Variants in BCLAF3 observed in about 807,000 individuals in gnomAD.
BCLAF3 encodes the protein BCLAF1 and THRAP3 family member 3, also known as transient octamer binding factor 1.
Under a neutral mutation model 51.2 loss-of-function variants are expected in BCLAF3, and 24 were observed. The observed-to-expected ratio is 0.47, with a 90% confidence interval of 0.34 to 0.66. The LOEUF is 0.66. Ranked by LOEUF, BCLAF3 falls within the 30% of genes least tolerant of loss-of-function variation. BCLAF3 has a pLI of 0.01. For synonymous variants in BCLAF3, 152 were observed against 176.6 expected (o/e 0.86, Z 1.10); for missense variants, 465 against 525.1 (o/e 0.89, Z 1.12).
intron 8 of BCLAF3, 151 bp downstream of exon 8, chrX:19,950,602 A>G (rs1399010545): frequency 2.5e-6 from 1 of 402,651 alleles, no homozygotes; most frequent in African/African-American, 2.5e-5. Context: ...TAACCTGGAA[A>G]CATTTTAATA....
intron 5 of BCLAF3, among the ~76,000 whole-genome samples, chrX:19,954,509 T>C (rs1045286698): frequency 4.5e-5 from 5 of 111,947 alleles, no homozygotes; most frequent in African/African-American, 1.6e-4. Context: ...TGGGACAATC[T>C]CCTGGATTTT....
In BCLAF3 at chrX:19,927,411, T is replaced by G. The variant is rs184566901; in HGVS notation, c.2106+2374A>C. Among the ~76,000 whole-genome samples, 420 of 111,786 alleles carry G rather than the reference T, an allele frequency of 3.8e-3. 2 individuals are homozygous for G. The highest frequency in any genetic ancestry group is 0.013 in the African/African-American group (390 of 30,817). On this transcript the variant is annotated intron_variant, in intron 11 of 11. Transcript: ENST00000379682. The stretch of plus-strand genomic sequence containing the variant: ...AACTTCATTCTACTCATCCGTCTTT[T>G]GAAAAGTGTTAAGATTTACTAAAAT...
chrX:19,918,928 C>A (rs1231664197), intron 11 of BCLAF3, among the ~76,000 whole-genome samples: 1 of 110,668 alleles, frequency 9.0e-6, no homozygotes, highest in Non-Finnish European at 1.9e-5. Context: ...GGTCACCACA[C>A]GTTCCCTTGT....
chrX:19,960,127 A>AT (rs201237762), intron 4 of BCLAF3, among the ~76,000 whole-genome samples: 14,985 of 110,931 alleles, frequency 0.14, 2,459 homozygotes, highest in African/African-American at 0.46. Flanking sequence ...GGCCAATTTA[A>AT]TTTTTTTTAA....
At chrX:19,930,219 G>C (rs1375055311) in intron 10 of BCLAF3, 6 of 189,215 alleles carry the variant, frequency 3.2e-5, no homozygotes, top group Non-Finnish European at 4.8e-5. Flanking sequence ...GCTAAGGCAG[G>C]AGAATTGCTT....
chrX:19,913,884 G>A lies in BCLAF3; in HGVS notation c.*3421C>T, dbSNP rs2069867362. ...ATGTACATTAATTTTTCTTTGTCAA[G>A]ATTTATAACATTTACATACTATTCT... On this transcript the variant is annotated 3_prime_UTR_variant, in exon 12 of 12. Coordinates refer to ENST00000379682, the MANE Select transcript of BCLAF3 (RefSeq NM_001367774.2). The A allele has an allele frequency of 1.8e-5, 2 of 111,845 alleles. No homozygotes were observed. The highest frequency in any genetic ancestry group is 6.5e-5 in the African/African-American group (2 of 30,742). 9.2% of individuals were successfully genotyped at this position (111,845 alleles called of 1,213,427 possible).
Position 19,929,918 on chromosome X carries a change from C to T in BCLAF3, c.1973G>A (p.Cys658Tyr). The T allele has an allele frequency of 1.7e-6, 2 of 1,206,690 alleles. No individual in the cohort carries two copies. Among genetic ancestry groups the T allele is most frequent in the East Asian group, 3.0e-5 (1 of 33,700 alleles). The change falls in exon 11 of 12, where the codon TGC (cysteine) becomes TAC (tyrosine). Residue 658 changes from cysteine to tyrosine, a missense_variant. By Grantham distance (194) the Cys-to-Tyr change is radical. Coordinates refer to ENST00000379682, the MANE Select transcript of BCLAF3 (RefSeq NM_001367774.2). ...CAGGCCTGATTTATAATTGGGCTGG[C>T]ATCTGCCACCTCTAAAGTTGCTCTG... is the stretch of plus-strand genomic sequence containing the variant. ...PFKSNFRGGR[C>Y]QPNYKSGLVQ...
At chrX:19,967,242 A>G (rs769667059) in intron 2 of BCLAF3, among the ~76,000 whole-genome samples, 1 of 111,956 alleles carries the variant, frequency 8.9e-6, no homozygotes, top group Non-Finnish European at 1.9e-5. Context: ...GGAACAAAAC[A>G]TATGTACTTA....
At chrX:19,982,958 C>CTTTTT (rs749753466) in intron 1 of BCLAF3, among the ~76,000 whole-genome samples, 1 of 72,350 alleles carries the variant, frequency 1.4e-5, no homozygotes, top group Non-Finnish European at 2.4e-5. Context: ...TTTTTTTTTT[C>CTTTTT]TTTTTTTTTT....
chrX:19,922,441 T>TA (rs1379587357), intron 11 of BCLAF3, among the ~76,000 whole-genome samples: 1 of 111,975 alleles, frequency 8.9e-6, no homozygotes, highest in Non-Finnish European at 1.9e-5. Context: ...ATAAACTAAT[T>TA]AAAAAAATGC....
At chrX:19,931,068 C>T (rs1323675546) in intron 10 of BCLAF3, among the ~76,000 whole-genome samples, 3 of 112,147 alleles carry the variant, frequency 2.7e-5, no homozygotes, top group African/African-American at 9.7e-5. Context: ...TCTTTCTTTA[C>T]CACAAAAGAT....
chrX:19,974,738 C>T (rs1197440421), intron 1 of BCLAF3, among the ~76,000 whole-genome samples: 2 of 109,769 alleles, frequency 1.8e-5, no homozygotes, highest in African/African-American at 6.6e-5. Flanking sequence ...AAAAATTAGC[C>T]AGGCATGGTG....
intron 10 of BCLAF3, among the ~76,000 whole-genome samples, chrX:19,932,525 ATTTTTTT>A (rs58949658): frequency 1.3e-5 from 1 of 77,440 alleles, no homozygotes; most frequent in African/African-American, 5.6e-5. Context: ...ACAAGTCAAG[ATTTTTTT>A]TTTTTTTTTT....
intron 1 of BCLAF3, among the ~76,000 whole-genome samples, chrX:19,973,780 G>A (rs1261626640): frequency 1.8e-5 from 2 of 111,940 alleles, no homozygotes; most frequent in Non-Finnish European, 3.8e-5. Flanking sequence ...ATTTCAATAG[G>A]CAAAAGACTC....
In BCLAF3 at chrX:19,915,747, A is replaced by T. The variant is rs2069923374; in HGVS notation, c.*1558T>A. ...TGTCAATCAAATGATTAAATATTCA[A>T]AGCTCATTACTGTCCCCTAGAATAT... On this transcript the variant is annotated 3_prime_UTR_variant, in exon 12 of 12. Coordinates refer to ENST00000379682, the MANE Select transcript of BCLAF3 (RefSeq NM_001367774.2). 1 of 112,104 alleles carries T rather than the reference A, an allele frequency of 8.9e-6. No homozygotes were observed. 9.2% of individuals were successfully genotyped at this position (112,104 alleles called of 1,213,427 possible). A position where few individuals can be genotyped will look rare whatever the true frequency, so the allele number is the denominator to read the frequency against.
At chrX:19,924,177 A>T (rs1194045265) in intron 11 of BCLAF3, among the ~76,000 whole-genome samples, 1 of 111,581 alleles carries the variant, frequency 9.0e-6, no homozygotes, top group Non-Finnish European at 1.9e-5. Context: ...GGCAGCTGAC[A>T]ATCTGGAGGT....
At chrX:19,933,571 T>C (rs1189376261) in intron 10 of BCLAF3, among the ~76,000 whole-genome samples, 1 of 111,903 alleles carries the variant, frequency 8.9e-6, no homozygotes, top group Admixed American at 9.5e-5. Flanking sequence ...TCAATTATTT[T>C]CTTAAGGCTA....
chrX:19,930,228 T>C (rs2070495885), intron 10 of BCLAF3: 1 of 180,702 alleles, frequency 5.5e-6, no homozygotes, highest in African/African-American at 3.0e-5. Flanking sequence ...GGAGAATTGC[T>C]TGAACCTGGG....
chrX:19,980,968 G>C (rs984836042), intron 1 of BCLAF3, among the ~76,000 whole-genome samples: 1 of 109,752 alleles, frequency 9.1e-6, no homozygotes, highest in African/African-American at 3.3e-5. Flanking sequence ...GCTACACATT[G>C]TGATAGAGTT....
Sources: allele counts gnomAD v4.1 joint callset (sites outside exome capture counted in the v4.1 genomes callset), GRCh38; gene constraint gnomAD v4.1.1; transcripts MANE v1.5; gene names NCBI Gene and HGNC (gene_info 2026-07-23, HGNC 2026-07-21).